VIT: variants seen among roughly 807,000 people sequenced by gnomAD.
VIT encodes vitrin.
A neutral mutation model predicts 78.0 loss-of-function variants in VIT; 99 were observed. The observed-to-expected ratio is 1.27, with a 90% CI of 1.08 to 1.50. The LOEUF (loss-of-function observed/expected upper bound fraction) is 1.50, where lower values mean the gene tolerates loss of function less well. Ranked by LOEUF, VIT falls within the 40% of genes most tolerant of loss-of-function variation. The pLI is 0.00. For missense variants in VIT, 1,126 were observed against 875.3 expected, an observed-to-expected ratio of 1.29 and a Z score of -3.61; for synonymous variants, 374 against 334.3, an observed-to-expected ratio of 1.12 and a Z score of -1.29.
At chr2:36,727,661 A>G (rs953213846) in intron 2 of VIT, among the ~76,000 whole-genome samples, 3 of 152,234 alleles carry the variant, frequency 2.0e-5, no homozygotes, top group African/African-American at 4.8e-5. Flanking sequence ...CTTTTCTCCA[A>G]TCTTAATACA....
At chr2:36,773,700 G>A (rs1669889873) in intron 7 of VIT, 91 bp from the exon 8 acceptor site, 1 of 1,179,370 alleles carries the variant, frequency 8.5e-7, no homozygotes, top group Non-Finnish European at 1.1e-6. Context: ...CTCCAGCTCT[G>A]GGCATACAGT....
intron 6 of VIT, among the ~76,000 whole-genome samples, chr2:36,760,080 T>C (rs10171300): frequency 0.031 from 4,754 of 151,730 alleles, 267 homozygotes; most frequent in African/African-American, 0.11. Flanking sequence ...CTACAACCTC[T>C]GCCTCCCAGG....
Position 36,801,360 on chromosome 2 carries a change from C to T in VIT, c.1118C>T (p.Thr373Ile), listed in dbSNP as rs1666310607. The change falls in exon 13 of 16, where the codon ACA (threonine) becomes ATA (isoleucine). Residue 373 changes from threonine to isoleucine, a missense_variant. By Grantham distance (89) the Thr-to-Ile change is moderately conservative (BLOSUM62 -1). Coordinates refer to ENST00000379242, the MANE Select transcript of VIT (RefSeq NM_053276.4). Reference protein sequence around the residue: ...KTHTNSRDLKTAIEKITQRGG... With the variant: ...KTHTNSRDLKIAIEKITQRGG... ...CACACGAATTCTCGAGATCTGAAGA[C>T]AGCCATAGAGAAAATTACTCAGAGA... The T allele has an allele frequency of 6.2e-7, 1 of 1,614,116 alleles. No homozygotes were observed. The highest frequency in any genetic ancestry group is 1.3e-5 in the African/African-American group (1 of 75,046).
At chr2:36,745,054 C>T (rs1233321250) in intron 4 of VIT, among the ~76,000 whole-genome samples, 1 of 152,066 alleles carries the variant, frequency 6.6e-6, no homozygotes, top group Non-Finnish European at 1.5e-5. Flanking sequence ...TTATCCCCAG[C>T]ACTATTTATT....
chr2:36,752,925 C>T (rs1012949585), intron 4 of VIT, among the ~76,000 whole-genome samples: 1 of 152,204 alleles, frequency 6.6e-6, no homozygotes, highest in Non-Finnish European at 1.5e-5. Context: ...CATTGCAGCA[C>T]TATTCACAAT....
intron 13 of VIT, 117 bp from the exon 14 acceptor site, chr2:36,805,321 A>C (rs1388232876): frequency 1.7e-6 from 2 of 1,210,270 alleles, no homozygotes; most frequent in South Asian, 3.6e-5. Context: ...AAAAAAAAAA[A>C]AAAAAACTAG....
At chr2:36,809,770 G>A (rs1228448003) in intron 15 of VIT, among the ~76,000 whole-genome samples, 4 of 152,162 alleles carry the variant, frequency 2.6e-5, no homozygotes, top group Non-Finnish European at 5.9e-5. Flanking sequence ...TACTTTTTCT[G>A]TAAGCAACTG....
chr2:36,724,694 G>C (rs1233195100), intron 2 of VIT, among the ~76,000 whole-genome samples: 1 of 152,180 alleles, frequency 6.6e-6, no homozygotes, highest in African/African-American at 2.4e-5. Context: ...AATTACTGCT[G>C]TTCAACTGAA....
intron 6 of VIT, among the ~76,000 whole-genome samples, chr2:36,764,111 CA>C (rs1339231738): frequency 6.6e-6 from 1 of 152,156 alleles, no homozygotes; most frequent in Non-Finnish European, 1.5e-5. Context: ...AATGGTGTGA[CA>C]AAAAGATAAT....
intron 12 of VIT, among the ~76,000 whole-genome samples, chr2:36,788,329 T>C (rs958973968): frequency 6.6e-6 from 1 of 152,248 alleles, no homozygotes; most frequent in African/African-American, 2.4e-5. Context: ...GTTTGCTCTA[T>C]CAAAGAGATC....
At chr2:36,777,890 C>T (rs544724749) in intron 9 of VIT, among the ~76,000 whole-genome samples, 2 of 152,246 alleles carry the variant, frequency 1.3e-5, no homozygotes, top group African/African-American at 4.8e-5. Flanking sequence ...ATGGGGCAAC[C>T]GAATCCTGCG....
intron 10 of VIT, among the ~76,000 whole-genome samples, 199 bp from the exon 11 acceptor site, chr2:36,783,141 G>T (rs1012652700): frequency 3.9e-5 from 6 of 152,148 alleles, no homozygotes; most frequent in African/African-American, 1.4e-4. Context: ...CCCCAGCAGA[G>T]TACTATGTTT....
chr2:36,746,456 T>C (rs193213773), intron 4 of VIT, among the ~76,000 whole-genome samples: 11 of 152,030 alleles, frequency 7.2e-5, no homozygotes, highest in African/African-American at 2.7e-4. Context: ...GGTTAGTAGG[T>C]TTTTTATTAT....
intron 4 of VIT, among the ~76,000 whole-genome samples, chr2:36,748,376 C>T (rs1668264399): frequency 6.6e-6 from 1 of 152,170 alleles, no homozygotes; most frequent in Non-Finnish European, 1.5e-5. Context: ...GAGTCACAGC[C>T]TCCTTTGGTT....
chr2:36,716,548 A>G, intron 2 of VIT, 126 bp downstream of exon 2: 1 of 757,010 alleles, frequency 1.3e-6, no homozygotes, highest in South Asian at 1.9e-5. Flanking sequence ...ATTTTATAAG[A>G]AACATTTTGA....
chr2:36,805,804 T>C (rs542418992), intron 14 of VIT, 140 bp downstream of exon 14: 1 of 897,190 alleles, frequency 1.1e-6, no homozygotes, highest in Non-Finnish European at 1.6e-6. Context: ...AGGGAGGGAC[T>C]GGTCAATCCG....
chr2:36,750,307 C>T (rs952422709), intron 4 of VIT, among the ~76,000 whole-genome samples: 2 of 152,236 alleles, frequency 1.3e-5, no homozygotes, highest in Admixed American at 1.3e-4. Flanking sequence ...TCAGCCCTCT[C>T]CAGTCTGTGT....
At chr2:36,699,626 G>GTAGA (rs10530448) in intron 1 of VIT, among the ~76,000 whole-genome samples, 40,941 of 141,726 alleles carry the variant, frequency 0.29, 6,049 homozygotes, top group East Asian at 0.51. Flanking sequence ...AGATATATAG[G>GTAGA]TAGATAGATA....
intron 13 of VIT, 63 bp downstream of exon 13, chr2:36,801,467 C>A: frequency 7.3e-7 from 1 of 1,370,352 alleles, no homozygotes; most frequent in Non-Finnish European, 1.0e-6. Flanking sequence ...ACGTGATTGT[C>A]TTCTAACCAT....
Sources: allele counts gnomAD v4.1 joint callset (sites outside exome capture counted in the v4.1 genomes callset), GRCh38; gene constraint gnomAD v4.1.1; transcripts MANE v1.5; gene names NCBI Gene and HGNC (gene_info 2026-07-23, HGNC 2026-07-21).